Variants in TRABD2B observed in about 807,000 individuals in gnomAD.
TRABD2B encodes metalloprotease TIKI2.
A neutral mutation model predicts 40.1 loss-of-function variants in TRABD2B; 14 were observed. The observed-to-expected ratio is 0.35, with a 90% CI of 0.23 to 0.55. TRABD2B has a LOEUF of 0.55. Ranked by LOEUF, TRABD2B falls within the 20% of genes least tolerant of loss-of-function variation. The probability of loss-of-function intolerance (pLI) is 0.90; values close to 1 mark genes in which losing one functional copy is unlikely to be tolerated. For missense variants in TRABD2B, 541 were observed against 648.6 expected, an observed-to-expected ratio of 0.83 and a Z score of 1.80; for synonymous variants, 263 against 277.0, an observed-to-expected ratio of 0.95 and a Z score of 0.50.
intron 2 of TRABD2B, among the ~76,000 whole-genome samples, chr1:47,956,713 G>T (rs1645428639): frequency 6.6e-6 from 1 of 152,250 alleles, no homozygotes; most frequent in Non-Finnish European, 1.5e-5. Flanking sequence ...TGAGGAAGCT[G>T]AAACTGGGTG....
In TRABD2B at chr1:47,762,885, G is replaced by T. The variant is rs569371783; in HGVS notation, c.*3017C>A. 1 of 152,304 alleles carries T rather than the reference G, an allele frequency of 6.6e-6. No individual in the cohort carries two copies. The highest frequency in any genetic ancestry group is 2.1e-4 in the South Asian group (1 of 4,818). The allele number at this position is 152,304 out of a possible 1,614,324, so 9.4% of individuals were successfully genotyped here. ...GCCCTTCATCACACAGTCAGCTTTC[G>T]TGAGAGGTAGAGGACCCAGGGCCAC... On this transcript the variant is annotated 3_prime_UTR_variant, in exon 7 of 7. Coordinates refer to ENST00000606738, the MANE Select transcript of TRABD2B (RefSeq NM_001194986.2).
intron 2 of TRABD2B, among the ~76,000 whole-genome samples, chr1:47,977,745 G>T (rs955977225): frequency 1.3e-5 from 2 of 151,908 alleles, no homozygotes; most frequent in African/African-American, 4.8e-5. Flanking sequence ...GGAGACATTG[G>T]AGGAGAGAGG....
In TRABD2B at chr1:47,833,990, C is replaced by T. The variant is rs549030291; in HGVS notation, c.667-32371G>A. Among the ~76,000 whole-genome samples the T allele has an allele frequency of 9.8e-5, 15 of 152,332 alleles. No homozygotes were observed. In the East Asian group the frequency reaches 1.2e-3, roughly 12 times the overall value. On this transcript the variant is annotated intron_variant, in intron 2 of 6. Coordinates refer to ENST00000606738, the MANE Select transcript of TRABD2B (RefSeq NM_001194986.2). ...ATTTTAACTTGCCCTATTACCCATA[C>T]GCCTTCTGCAGTATCCTTGAAAACC...
intron 4 of TRABD2B, among the ~76,000 whole-genome samples, chr1:47,787,844 A>C (rs967727178): frequency 6.6e-6 from 1 of 152,144 alleles, no homozygotes; most frequent in African/African-American, 2.4e-5. Flanking sequence ...CAGGGAGTGG[A>C]CATCCTAGAC....
intron 2 of TRABD2B, among the ~76,000 whole-genome samples, chr1:47,981,875 T>C (rs1247075854): frequency 6.6e-6 from 1 of 152,204 alleles, no homozygotes; most frequent in African/African-American, 2.4e-5. Context: ...CTGTAAGCTG[T>C]TGCTAGGTAA....
intron 2 of TRABD2B, among the ~76,000 whole-genome samples, chr1:47,890,689 C>T (rs924886281): frequency 2.6e-5 from 4 of 152,186 alleles, no homozygotes; most frequent in Non-Finnish European, 5.9e-5. Flanking sequence ...CCCTAGGAGC[C>T]TTTGAGAATC....
chr1:47,825,530 C>T (rs1354227479), intron 2 of TRABD2B, among the ~76,000 whole-genome samples: 2 of 152,262 alleles, frequency 1.3e-5, no homozygotes, highest in Non-Finnish European at 2.9e-5. Flanking sequence ...ACCTGGCTGA[C>T]ACCCACTTGC....
chr1:47,993,800 G>A (rs1484315879), intron 2 of TRABD2B, among the ~76,000 whole-genome samples: 1 of 152,190 alleles, frequency 6.6e-6, no homozygotes, highest in Non-Finnish European at 1.5e-5. Flanking sequence ...ATGTAATACT[G>A]CTGAAATAGA....
chr1:47,985,351 C>T (rs1038899988), intron 2 of TRABD2B, among the ~76,000 whole-genome samples: 1 of 152,220 alleles, frequency 6.6e-6, no homozygotes, highest in Non-Finnish European at 1.5e-5. Flanking sequence ...TGGGAAGGAG[C>T]TTAATGTCTC....
At chr1:47,974,542 A>T (rs1428913604) in intron 2 of TRABD2B, among the ~76,000 whole-genome samples, 1 of 152,162 alleles carries the variant, frequency 6.6e-6, no homozygotes, top group Non-Finnish European at 1.5e-5. Flanking sequence ...TTATTTATTA[A>T]TTCATTGCTA....
chr1:47,996,969 G>T lies in TRABD2B; in HGVS notation c.-180C>A. 9.0e-7 allele frequency: 1 copy of T among 1,106,754 alleles called. No homozygotes were observed. The allele number at this position is 1,106,754 out of a possible 1,614,324, so 68.6% of individuals were successfully genotyped here. A position where few individuals can be genotyped will look rare whatever the true frequency, so the allele number is the denominator to read the frequency against. On this transcript the variant is annotated 5_prime_UTR_variant, in exon 1 of 7. Transcript: ENST00000606738. This position sits in a 1 kb window ranked among gnomAD's most constrained non-coding sequence, Gnocchi z 4.6. ...GGACCTGGGGGTTTCTCTGGGGCCGGGCTCCGTCTGTTGGAAGAGGGAGAC... is the reference window on the plus strand; with the variant it reads ...GGACCTGGGGGTTTCTCTGGGGCCGTGCTCCGTCTGTTGGAAGAGGGAGAC...
intron 2 of TRABD2B, among the ~76,000 whole-genome samples, chr1:47,806,231 G>C (rs1644890914): frequency 1.3e-5 from 2 of 152,216 alleles, no homozygotes; most frequent in Admixed American, 1.3e-4. Context: ...GCAGGGATTT[G>C]AGATTAGTAG....
rs190914305 is a variant in TRABD2B at position 47,895,764 on chromosome 1, G to A, written c.667-94145C>T. ...CCTTGGGTGATCCTCTGGGCTGAAA[G>A]GGGCCCATAGGGCAGAGATTTCCTC... On this transcript the variant is annotated intron_variant, in intron 2 of 6. Transcript: ENST00000606738. 2.7e-4 allele frequency among the ~76,000 whole-genome samples: 41 copies of A among 152,340 alleles called. No homozygotes were observed. In the East Asian group the frequency reaches 7.5e-3, roughly 28 times the overall value.
At chr1:47,786,590 C>T (rs746518900) in intron 4 of TRABD2B, among the ~76,000 whole-genome samples, 1 of 152,206 alleles carries the variant, frequency 6.6e-6, no homozygotes, top group Non-Finnish European at 1.5e-5. Context: ...TTTGAAGCAC[C>T]GTTGGAAATT....
chr1:47,846,427 C>T (rs535481010), intron 2 of TRABD2B, among the ~76,000 whole-genome samples: 4 of 152,234 alleles, frequency 2.6e-5, no homozygotes, highest in South Asian at 2.1e-4. Context: ...ATCCAAGAGC[C>T]GAAGGCCTGA....
chr1:47,874,007 T>C (rs1644182407), intron 2 of TRABD2B, among the ~76,000 whole-genome samples: 1 of 152,164 alleles, frequency 6.6e-6, no homozygotes, highest in African/African-American at 2.4e-5. Flanking sequence ...AAGCTAACCA[T>C]GGCCAGACTG....
chr1:47,787,653 T>C lies in TRABD2B; in HGVS notation c.988+6933A>G, dbSNP rs570020911. Among the ~76,000 whole-genome samples, 223 of 152,318 alleles carry C rather than the reference T, an allele frequency of 1.5e-3. 1 individual carries two copies. Among genetic ancestry groups the C allele is most frequent in the African/African-American group, 5.2e-3 (215 of 41,564 alleles). ...CCTCAGCTTCCAAAGGCAGATGTGA[T>C]GTGGTTGGACCCCTCAGTCTCCCAC... On this transcript the variant is annotated intron_variant, in intron 4 of 6. Coordinates refer to ENST00000606738, the MANE Select transcript of TRABD2B (RefSeq NM_001194986.2).
chr1:47,977,240 A>G (rs1323600656), intron 2 of TRABD2B, among the ~76,000 whole-genome samples: 5 of 151,990 alleles, frequency 3.3e-5, no homozygotes, highest in Non-Finnish European at 5.9e-5. Flanking sequence ...GTCACCAGCT[A>G]ATTTTTTAAA....
intron 2 of TRABD2B, among the ~76,000 whole-genome samples, chr1:47,839,721 G>A (rs759535994): frequency 4.6e-5 from 7 of 152,180 alleles, no homozygotes; most frequent in Non-Finnish European, 8.8e-5. Flanking sequence ...CAGTGTCCTC[G>A]CCATCATCAC....
Sources: allele counts gnomAD v4.1 joint callset (sites outside exome capture counted in the v4.1 genomes callset), GRCh38; gene constraint gnomAD v4.1.1; non-coding constraint Gnocchi (gnomAD v3.1); transcripts MANE v1.5; gene names NCBI Gene and HGNC (gene_info 2026-07-23, HGNC 2026-07-21).